Variants in CCDC178 observed in about 807,000 individuals in gnomAD.
CCDC178 encodes coiled-coil domain containing 178, also known as coiled-coil domain-containing protein 178.
Under a neutral mutation model 117.4 loss-of-function variants are expected in CCDC178, and 126 were observed. The ratio of observed to expected loss-of-function variants is 1.07; its 90% CI spans 0.93 to 1.24. The LOEUF is 1.24. Among genes scored for constraint, CCDC178 ranks in the 50% most tolerant of loss-of-function variants. The pLI, the probability that CCDC178 is intolerant of heterozygous loss-of-function variation, is 0.00. For missense variants in CCDC178, 1,030 were observed against 986.9 expected, an observed-to-expected ratio of 1.04 and a Z score of -0.59; for synonymous variants, 283 against 313.4, an observed-to-expected ratio of 0.90 and a Z score of 1.02.
chr18:33,249,100 T>G (rs2059586042), intron 14 of CCDC178, among the ~76,000 whole-genome samples: 1 of 152,226 alleles, frequency 6.6e-6, no homozygotes, highest in South Asian at 2.1e-4. Flanking sequence ...CTTCACCCAC[T>G]TTTTGATGGG....
At chr18:33,229,866 G>A (rs1473743183) in intron 15 of CCDC178, among the ~76,000 whole-genome samples, 2 of 152,136 alleles carry the variant, frequency 1.3e-5, no homozygotes, top group African/African-American at 4.8e-5. Flanking sequence ...GCCATAGTTG[G>A]TTCTAAAATG....
intron 22 of CCDC178, among the ~76,000 whole-genome samples, chr18:32,971,958 A>G (rs575005698): frequency 2.6e-5 from 4 of 151,702 alleles, no homozygotes; most frequent in Non-Finnish European, 5.9e-5. Context: ...TTTTTTTCCC[A>G]TTTTATAGGT....
chr18:33,128,506 AG>A (rs1374739496), intron 20 of CCDC178, among the ~76,000 whole-genome samples: 1 of 152,180 alleles, frequency 6.6e-6, no homozygotes, highest in Non-Finnish European at 1.5e-5. Context: ...AGTGCAATAA[AG>A]GCCCTGAATT....
chr18:33,150,594 T>A (rs1201102668), intron 20 of CCDC178, among the ~76,000 whole-genome samples: 1 of 152,088 alleles, frequency 6.6e-6, no homozygotes, highest in South Asian at 2.1e-4. Context: ...AAAGAAGATA[T>A]GCAAACAGCC....
intron 20 of CCDC178, among the ~76,000 whole-genome samples, chr18:33,097,959 G>C (rs1374957297): frequency 6.6e-6 from 1 of 151,922 alleles, no homozygotes; most frequent in Non-Finnish European, 1.5e-5. Flanking sequence ...GCATTCCCTG[G>C]CAAGACCAAA....
intron 20 of CCDC178, among the ~76,000 whole-genome samples, 166 bp from the exon 21 acceptor site, chr18:33,093,076 A>G (rs908205140): frequency 6.6e-6 from 1 of 152,158 alleles, no homozygotes; most frequent in African/African-American, 2.4e-5. Flanking sequence ...TCCTGATACC[A>G]ATATCCTTTG....
intron 20 of CCDC178, among the ~76,000 whole-genome samples, chr18:33,127,142 A>G (rs934023114): frequency 1.3e-5 from 2 of 151,432 alleles, no homozygotes; most frequent in African/African-American, 4.9e-5. Flanking sequence ...TATTTTTTAG[A>G]TTTATTTGCT....
chr18:33,323,487 T>A lies in CCDC178; in HGVS notation c.1022+4A>T. Reference sequence around the variant, plus strand: ...TATAATTAGTGTTTGCGAAAAATTCTTACTTGTAGGCCTCTATGGTTTTTT... The same window carrying A: ...TATAATTAGTGTTTGCGAAAAATTCATACTTGTAGGCCTCTATGGTTTTTT... On this transcript the variant is annotated splice_donor_region_variant and intron_variant, in intron 11 of 22. Transcript: ENST00000383096. 1 of 1,470,828 alleles carries A rather than the reference T, an allele frequency of 6.8e-7. No homozygotes were observed. Among genetic ancestry groups the A allele is most frequent in the South Asian group, 1.5e-5 (1 of 64,530 alleles). 91.1% of individuals were successfully genotyped at this position (1,470,828 alleles called of 1,614,324 possible).
intron 21 of CCDC178, among the ~76,000 whole-genome samples, chr18:33,027,468 A>G (rs2056251732): frequency 6.6e-6 from 1 of 151,668 alleles, no homozygotes; most frequent in African/African-American, 2.4e-5. Context: ...ACTTGATTAA[A>G]AGAAAAACTC....
chr18:33,143,428 A>T (rs1289288933), intron 20 of CCDC178, among the ~76,000 whole-genome samples: 2 of 152,142 alleles, frequency 1.3e-5, no homozygotes, highest in Non-Finnish European at 2.9e-5. Context: ...AGGAACTGGA[A>T]ATTTATAAAT....
chr18:33,312,436 A>C (rs1255725873), intron 11 of CCDC178, among the ~76,000 whole-genome samples: 1 of 152,194 alleles, frequency 6.6e-6, no homozygotes, highest in East Asian at 1.9e-4. Context: ...GTGACCAAGC[A>C]TTCCAAAACC....
chr18:33,031,075 A>G (rs1231339414), intron 21 of CCDC178, among the ~76,000 whole-genome samples: 3 of 152,140 alleles, frequency 2.0e-5, no homozygotes, highest in Non-Finnish European at 4.4e-5. Flanking sequence ...TTTAGGATTA[A>G]AATTGACTCC....
At chr18:33,220,660 T>C (rs1166543308) in intron 18 of CCDC178, among the ~76,000 whole-genome samples, 2 of 152,106 alleles carry the variant, frequency 1.3e-5, no homozygotes, top group Non-Finnish European at 2.9e-5. Context: ...AATGAAATGA[T>C]CTGAGCCGTG....
chr18:33,269,328 T>A (rs572447080), intron 12 of CCDC178, among the ~76,000 whole-genome samples: 1 of 151,952 alleles, frequency 6.6e-6, no homozygotes, highest in Admixed American at 6.6e-5. Flanking sequence ...CATAGTACTT[T>A]GTAAAGCTCC....
intron 20 of CCDC178, among the ~76,000 whole-genome samples, chr18:33,154,903 A>G (rs573040917): frequency 6.0e-4 from 91 of 152,296 alleles, no homozygotes; most frequent in African/African-American, 2.1e-3. Flanking sequence ...AAAAGCCAAC[A>G]GAACTAAACA....
At chr18:33,329,387 T>A (rs551939940) in intron 10 of CCDC178, among the ~76,000 whole-genome samples, 1 of 152,262 alleles carries the variant, frequency 6.6e-6, no homozygotes, top group East Asian at 1.9e-4. Context: ...AGGAAAAGGT[T>A]TAAGTCTTTC....
chr18:33,129,717 T>G (rs1320955827), intron 20 of CCDC178, among the ~76,000 whole-genome samples: 4 of 152,052 alleles, frequency 2.6e-5, no homozygotes, highest in African/African-American at 7.2e-5. Flanking sequence ...ACTGGTTTTC[T>G]GCAAATATAC....
At chr18:33,247,093 TGA>T (rs1555670794) in intron 14 of CCDC178, among the ~76,000 whole-genome samples, 29 of 148,198 alleles carry the variant, frequency 2.0e-4, no homozygotes, top group South Asian at 1.9e-3. Context: ...TGTGTGTGTG[TGA>T]GAGAGAGAGA....
intron 22 of CCDC178, among the ~76,000 whole-genome samples, chr18:32,941,835 G>A (rs920246404): frequency 1.3e-5 from 2 of 152,058 alleles, no homozygotes; most frequent in African/African-American, 4.8e-5. Context: ...TTCTATGTTC[G>A]TGTGTTGCTT....
Sources: gnomAD v4.1 joint callset for allele counts (sites outside exome capture counted in the v4.1 genomes callset) on GRCh38, gnomAD v4.1.1 for gene constraint, MANE v1.5 for transcripts, NCBI Gene and HGNC (gene_info 2026-07-23, HGNC 2026-07-21) for gene names.